PRRC2C: variants seen among roughly 807,000 people sequenced by gnomAD.
PRRC2C encodes the protein proline rich coiled-coil 2C.
A neutral mutation model predicts 317.2 loss-of-function variants in PRRC2C; 72 were observed. The observed-to-expected ratio is 0.23, with a 90% CI of 0.19 to 0.28. The LOEUF (loss-of-function observed/expected upper bound fraction) is 0.28. Among genes scored for constraint, PRRC2C ranks in the 10% least tolerant of loss-of-function variants. The probability of loss-of-function intolerance (pLI) is 1.00; values close to 1 mark genes in which losing one functional copy is unlikely to be tolerated. For synonymous variants in PRRC2C, 1,296 were observed against 1,205.9 expected (o/e 1.07, Z -1.55); for missense variants, 3,074 against 3,459.7 (o/e 0.89, Z 2.80).
chr1:171,582,529 A>G (rs1182367489), intron 28 of PRRC2C, among the ~76,000 whole-genome samples: 2 of 152,204 alleles, frequency 1.3e-5, no homozygotes, highest in African/African-American at 4.8e-5. Flanking sequence ...CTGCAGCTAT[A>G]CACCTAGGCT....
At chr1:171,533,051 TAATC>T in intron 12 of PRRC2C, 90 bp downstream of exon 12, 1 of 1,241,378 alleles carries the variant, frequency 8.1e-7, no homozygotes. Flanking sequence ...TAAATATATG[TAATC>T]AATATAAAAG....
At chr1:171,542,906 G>A (rs1678229899) in intron 16 of PRRC2C, among the ~76,000 whole-genome samples, 1 of 151,728 alleles carries the variant, frequency 6.6e-6, no homozygotes, top group Non-Finnish European at 1.5e-5. Context: ...GACTACAGGT[G>A]CCCACCACCA....
chr1:171,493,494 G>A (rs1004199798), intron 1 of PRRC2C, among the ~76,000 whole-genome samples: 2 of 152,130 alleles, frequency 1.3e-5, no homozygotes, highest in Admixed American at 1.3e-4. Flanking sequence ...CTGTTGAAAA[G>A]GAAAATAATA....
Position 171,536,035 on chromosome 1 carries a change from A to G in PRRC2C, c.2050A>G (p.Met684Val). Residue 684 changes from methionine (M) to valine (V), a missense_variant, in exon 14 of 35, where the codon ATG becomes GTG. Physicochemically the swap from Met to Val is conservative, Grantham distance 21 (BLOSUM62 1). Around this residue, in one of 11 missense-constraint regions of PRRC2C, gnomAD observed 1,320 missense variants for 1,395.7 expected, o/e 0.95. Coordinates refer to ENST00000647382, the MANE Select transcript of PRRC2C (RefSeq NM_001387844.1). ...PPRFQRQQEQ[M>V]KQQQWQQQQQ... ...TGGGATCTTACTTTTTCAGGAACAGATGAAACAGCAGCAGTGGCAGCAGCA... is the reference window on the plus strand; with the variant it reads ...TGGGATCTTACTTTTTCAGGAACAGGTGAAACAGCAGCAGTGGCAGCAGCA... The G allele has an allele frequency of 6.4e-7, 1 of 1,552,198 alleles. No individual in the cohort carries two copies. The highest frequency in any genetic ancestry group is 8.7e-7 in the Non-Finnish European group (1 of 1,147,120).
Position 171,540,304 on chromosome 1 carries a change from A to G in PRRC2C, c.2838A>G (p.Ala946=). The change falls in exon 16 of 35, where the codon GCA becomes GCG. Residue 946 remains alanine (A), a synonymous_variant. Coordinates refer to ENST00000647382, the MANE Select transcript of PRRC2C (RefSeq NM_001387844.1). ...KPDEQRSEPS[A]GIPKVTSRCI... ...ACGAGCAGAGAAGTGAACCATCTGC[A>G]GGCATTCCTAAAGTAACCAGCAGAT... 6.2e-7 allele frequency: 1 copy of G among 1,613,812 alleles called. No homozygotes were observed. Among genetic ancestry groups the G allele is most frequent in the South Asian group, 1.1e-5 (1 of 91,054 alleles).
At chr1:171,556,497 T>G (rs1173845843) in intron 18 of PRRC2C, among the ~76,000 whole-genome samples, 1 of 152,216 alleles carries the variant, frequency 6.6e-6, no homozygotes, top group East Asian at 1.9e-4. Context: ...ATCACCCGTC[T>G]TCTGCGTCAA....
chr1:171,510,292 G>T (rs1671084576), intron 1 of PRRC2C: 1 of 152,200 alleles, frequency 6.6e-6, no homozygotes, highest in Admixed American at 6.5e-5. Context: ...CTAATATACA[G>T]AAAGGGTCTT....
chr1:171,488,106 AG>A (rs1237351922), intron 1 of PRRC2C, among the ~76,000 whole-genome samples: 1 of 128,710 alleles, frequency 7.8e-6, no homozygotes, highest in Non-Finnish European at 1.7e-5. Flanking sequence ...TCTGCCTCCA[AG>A]TGCCACCCCT....
chr1:171,540,914 A>G lies in PRRC2C; in HGVS notation c.3448A>G (p.Ile1150Val). The part of the protein sequence containing the change: ...PEKVISKDLV[I>V]ERPRPDSRPA... ...GAAAGTCATCAGCAAAGACCTTGTT[A>G]TAGAGAGGCCTCGACCAGATTCAAG... is the stretch of plus-strand genomic sequence containing the variant. Residue 1150 changes from isoleucine (I) to valine (V), a missense_variant, in exon 16 of 35, where the codon ATA (isoleucine) becomes GTA (valine). Physicochemically the swap from Ile to Val is conservative, Grantham distance 29. Coordinates refer to ENST00000647382, the MANE Select transcript of PRRC2C (RefSeq NM_001387844.1). 6.2e-7 allele frequency: 1 copy of G among 1,613,884 alleles called. No homozygotes were observed.
intron 1 of PRRC2C, among the ~76,000 whole-genome samples, chr1:171,496,154 G>T (rs1296240949): frequency 7.1e-6 from 1 of 141,270 alleles, no homozygotes; most frequent in Non-Finnish European, 1.5e-5. Flanking sequence ...CAGTCCATCA[G>T]CACCCCTGCC....
intron 33 of PRRC2C, 51 bp from the exon 34 acceptor site, chr1:171,589,308 GTTTTTTTTTT>G: frequency 6.7e-6 from 3 of 445,896 alleles, no homozygotes; most frequent in Non-Finnish European, 1.0e-5. Flanking sequence ...CTAGTTGGCA[GTTTTTTTTTT>G]TTTTTTTTTT....
chr1:171,559,603 C>T (rs1230925631), intron 19 of PRRC2C, among the ~76,000 whole-genome samples: 1 of 148,980 alleles, frequency 6.7e-6, no homozygotes, highest in South Asian at 2.1e-4. Context: ...CTCACTGCAA[C>T]CTCCGCCTCC....
At chr1:171,555,518 C>T (rs1373966946) in intron 18 of PRRC2C, among the ~76,000 whole-genome samples, 1 of 152,212 alleles carries the variant, frequency 6.6e-6, no homozygotes, top group African/African-American at 2.4e-5. Context: ...TGGCGAGGAG[C>T]TGTGGTCATT....
intron 13 of PRRC2C, 40 bp from the exon 14 acceptor site, chr1:171,535,989 T>C (rs1268466027): frequency 1.1e-5 from 17 of 1,548,510 alleles, no homozygotes; most frequent in East Asian, 2.4e-5. Context: ...ATTTGTCATG[T>C]GGAACTAAAC....
chr1:171,573,913 G>A (rs1338899428), intron 24 of PRRC2C, among the ~76,000 whole-genome samples: 1 of 151,750 alleles, frequency 6.6e-6, no homozygotes, highest in Non-Finnish European at 1.5e-5. Context: ...TTCTGACCTC[G>A]TGATCCGCCT....
intron 25 of PRRC2C, among the ~76,000 whole-genome samples, chr1:171,575,789 C>T: frequency 6.6e-6 from 1 of 152,130 alleles, no homozygotes; most frequent in East Asian, 1.9e-4. Context: ...TTCCTTTTAC[C>T]ATATGTAGAA....
In PRRC2C at chr1:171,485,540, T is replaced by C. The variant is rs1665855141; in HGVS notation, c.-253T>C. The C allele has an allele frequency of 6.5e-6, 1 of 152,718 alleles. No homozygotes were observed. The highest frequency in any genetic ancestry group is 6.5e-5 in the Admixed American group (1 of 15,290). 9.5% of individuals were successfully genotyped at this position (152,718 alleles called of 1,614,324 possible). ...AGGGGCTGGCTAGCCGCCATCTTGCTTCTTTTTCTCGCTCGCTCGCTCCCC... is the reference window on the plus strand; with the variant it reads ...AGGGGCTGGCTAGCCGCCATCTTGCCTCTTTTTCTCGCTCGCTCGCTCCCC... On this transcript the variant is annotated 5_prime_UTR_variant, in exon 1 of 35. Transcript: ENST00000647382.
At chr1:171,550,776 G>C (rs1267066384) in intron 18 of PRRC2C, among the ~76,000 whole-genome samples, 3 of 152,064 alleles carry the variant, frequency 2.0e-5, no homozygotes. Flanking sequence ...CTTCATCCAT[G>C]TCCCTGCAAA....
At chr1:171,586,755 ATT>A (rs1194800520) in intron 30 of PRRC2C, among the ~76,000 whole-genome samples, 3 of 136,218 alleles carry the variant, frequency 2.2e-5, no homozygotes, top group Admixed American at 7.3e-5. Flanking sequence ...TAATTTTCGT[ATT>A]TTTTTTTTTT....
Sources: gnomAD v4.1 joint callset for allele counts (sites outside exome capture counted in the v4.1 genomes callset) on GRCh38, gnomAD v4.1.1 for gene constraint, gnomAD v4.1.1 regional missense constraint, MANE v1.5 for transcripts, NCBI Gene and HGNC (gene_info 2026-07-23, HGNC 2026-07-21) for gene names.